PLCB1: variants seen among roughly 807,000 people sequenced by gnomAD.
PLCB1 encodes the protein phospholipase C beta 1.
In PLCB1, 46 loss-of-function variants were observed where a neutral mutation model predicts 161.8. That is an observed-to-expected ratio of 0.28 (90% CI 0.22 to 0.36). The LOEUF is 0.36. Among genes scored for constraint, PLCB1 ranks in the 10% least tolerant of loss-of-function variants. The pLI, the probability that PLCB1 is intolerant of heterozygous loss-of-function variation, is 1.00. For missense variants in PLCB1, 1,016 were observed against 1,472.5 expected (o/e 0.69, Z 5.07); for synonymous variants, 517 against 503.7 (o/e 1.03, Z -0.35).
At chr20:8,874,208 TTA>T (rs1484763165) in intron 31 of PLCB1, among the ~76,000 whole-genome samples, 1 of 137,032 alleles carries the variant, frequency 7.3e-6, no homozygotes, top group African/African-American at 2.8e-5. Flanking sequence ...TCAATTTTAT[TTA>T]TATATATGTG....
intron 1 of PLCB1, among the ~76,000 whole-genome samples, chr20:8,136,956 A>G (rs1408506402): frequency 1.3e-5 from 2 of 152,192 alleles, no homozygotes; most frequent in African/African-American, 4.8e-5. Context: ...ATATATGTGT[A>G]TATAATTTAA....
intron 13 of PLCB1, among the ~76,000 whole-genome samples, 160 bp downstream of exon 13, chr20:8,716,508 T>C (rs1425541801): frequency 1.3e-5 from 2 of 152,172 alleles, no homozygotes; most frequent in Non-Finnish European, 2.9e-5. Context: ...TGGGCCCCAC[T>C]AAGGGTAGAG....
At chr20:8,189,589 C>A (rs73080291) in intron 2 of PLCB1, among the ~76,000 whole-genome samples, 15 of 151,984 alleles carry the variant, frequency 9.9e-5, no homozygotes, top group African/African-American at 3.1e-4. Flanking sequence ...ATAGAAAACA[C>A]AATGAACTTG....
intron 3 of PLCB1, chr20:8,625,281 A>T (rs936900048): frequency 1.3e-5 from 2 of 152,164 alleles, no homozygotes; most frequent in African/African-American, 4.8e-5. Context: ...GTATTCTCTG[A>T]AAGTCTGAAA....
At chr20:8,247,214 A>C (rs1368322366) in intron 2 of PLCB1, among the ~76,000 whole-genome samples, 6 of 151,962 alleles carry the variant, frequency 3.9e-5, no homozygotes, top group Non-Finnish European at 8.8e-5. Context: ...CATAGGAAAT[A>C]TCTATCAGTT....
chr20:8,555,653 G>A, intron 3 of PLCB1, among the ~76,000 whole-genome samples: 1 of 152,004 alleles, frequency 6.6e-6, no homozygotes, highest in Non-Finnish European at 1.5e-5. Flanking sequence ...AAATCAAGTG[G>A]AAATATTTTG....
chr20:8,827,001 T>A (rs1213398858), intron 31 of PLCB1, among the ~76,000 whole-genome samples: 1 of 152,224 alleles, frequency 6.6e-6, no homozygotes, highest in East Asian at 1.9e-4. Context: ...GTATTTCAGA[T>A]GACATCTCTT....
chr20:8,696,137 T>C (rs572679273), intron 10 of PLCB1, among the ~76,000 whole-genome samples: 56 of 152,330 alleles, frequency 3.7e-4, no homozygotes, highest in African/African-American at 1.3e-3. Flanking sequence ...TAGTTTTAGC[T>C]CTTATATTTG....
rs1979690177 is a variant in PLCB1, at chr20:8,722,351, CAGG to C, written c.1514_1516del (p.Gly505del). 1.2e-6 allele frequency: 2 copies of C among 1,608,178 alleles called. No homozygotes were observed. The highest frequency in any genetic ancestry group is 1.3e-5 in the African/African-American group (1 of 74,612). ...ATGATGATCTGTTATTAAAATTTGACAGGAGAAGCTGATACGGAAAGTGACGAC... is the reference window on the plus strand; with the variant it reads ...ATGATGATCTGTTATTAAAATTTGACAGAAGCTGATACGGAAAGTGACGAC... On this transcript the variant is annotated splice_acceptor_variant and coding_sequence_variant, in exon 15 of 32. Transcript: ENST00000338037. LOFTEE classifies it high-confidence loss of function.
chr20:8,689,580 A>G (rs1044672771), intron 10 of PLCB1, among the ~76,000 whole-genome samples: 3 of 152,170 alleles, frequency 2.0e-5, no homozygotes, highest in African/African-American at 4.8e-5. Flanking sequence ...CAGATTATAC[A>G]TACTAACTCA....
intron 2 of PLCB1, among the ~76,000 whole-genome samples, chr20:8,201,113 A>G (rs148461938): frequency 2.0e-5 from 3 of 152,262 alleles, no homozygotes; most frequent in East Asian, 1.9e-4. Context: ...TCAAGATAAT[A>G]CCACTTCATA....
intron 3 of PLCB1, among the ~76,000 whole-genome samples, chr20:8,400,670 G>A (rs951964735): frequency 2.0e-5 from 3 of 152,104 alleles, no homozygotes; most frequent in Non-Finnish European, 4.4e-5. Context: ...GCAATTTGTT[G>A]CAGAAATTAT....
At chr20:8,523,496 C>CTCTCTCTCTCTA in intron 3 of PLCB1, among the ~76,000 whole-genome samples, 4 of 51,652 alleles carry the variant, frequency 7.7e-5, no homozygotes, top group Admixed American at 2.4e-4. Context: ...CTCTCTCTCT[C>CTCTCTCTCTCTA]TATATATATA....
intron 23 of PLCB1, 69 bp from the exon 24 acceptor site, chr20:8,756,977 T>A: frequency 7.1e-7 from 1 of 1,401,064 alleles, no homozygotes; most frequent in Non-Finnish European, 9.7e-7. Context: ...AATGTAGCCT[T>A]GTTGGTTTAG....
intron 3 of PLCB1, among the ~76,000 whole-genome samples, chr20:8,391,928 C>G (rs999218070): frequency 6.6e-6 from 1 of 150,722 alleles, no homozygotes; most frequent in East Asian, 2.0e-4. Flanking sequence ...GGGGAAAATA[C>G]TGGGATGTAA....
chr20:8,186,316 G>T (rs1259947181), intron 2 of PLCB1, among the ~76,000 whole-genome samples: 1 of 152,162 alleles, frequency 6.6e-6, no homozygotes, highest in East Asian at 1.9e-4. Flanking sequence ...TTTCCTGAGT[G>T]TGTGAAATAA....
At chr20:8,853,325 A>G (rs1986953708) in intron 31 of PLCB1, among the ~76,000 whole-genome samples, 1 of 152,170 alleles carries the variant, frequency 6.6e-6, no homozygotes, top group Admixed American at 6.5e-5. Flanking sequence ...TTGTGTCAAG[A>G]TACAGAACAT....
intron 4 of PLCB1, among the ~76,000 whole-genome samples, chr20:8,638,586 T>C (rs887309127): frequency 1.3e-5 from 2 of 152,126 alleles, no homozygotes; most frequent in African/African-American, 4.8e-5. Flanking sequence ...AATTTAAGAA[T>C]AGAAATGCTG....
At chr20:8,446,272 G>A (rs541114406) in intron 3 of PLCB1, among the ~76,000 whole-genome samples, 196 of 152,214 alleles carry the variant, frequency 1.3e-3, no homozygotes, top group African/African-American at 4.3e-3. Context: ...ATCAATAAAC[G>A]TAATCCAGCA....
Sources: gnomAD v4.1 joint callset for allele counts (sites outside exome capture counted in the v4.1 genomes callset) on GRCh38, gnomAD v4.1.1 for gene constraint, MANE v1.5 for transcripts, NCBI Gene and HGNC (gene_info 2026-07-23, HGNC 2026-07-21) for gene names.